MAP2K6: variants seen among roughly 807,000 people sequenced by gnomAD.
MAP2K6 encodes the protein dual specificity mitogen-activated protein kinase kinase 6.
A neutral mutation model predicts 53.7 loss-of-function variants in MAP2K6; 16 were observed. The ratio of observed to expected loss-of-function variants is 0.30; its 90% CI spans 0.20 to 0.45. The LOEUF is 0.45. MAP2K6 is among the 20% of genes least tolerant of loss of function. MAP2K6 has a pLI of 1.00. For synonymous variants in MAP2K6, 132 were observed against 143.1 expected, an observed-to-expected ratio of 0.92 and a Z score of 0.55; for missense variants, 204 against 411.9, an observed-to-expected ratio of 0.50 and a Z score of 4.37.
At chr17:69,449,815 A>T (rs12943473) in intron 1 of MAP2K6, among the ~76,000 whole-genome samples, 50,373 of 149,612 alleles carry the variant, frequency 0.34, 9,761 homozygotes, top group South Asian at 0.43. Flanking sequence ...GGGTTTCACC[A>T]TGTTAGCCAG....
chr17:69,499,232 G>A (rs1346964737), intron 1 of MAP2K6, among the ~76,000 whole-genome samples: 2 of 152,162 alleles, frequency 1.3e-5, no homozygotes, highest in African/African-American at 4.8e-5. Context: ...AATGGAGCAC[G>A]GAATTTGAAG....
intron 1 of MAP2K6, among the ~76,000 whole-genome samples, chr17:69,462,232 G>T (rs944200603): frequency 1.3e-5 from 2 of 152,084 alleles, no homozygotes; most frequent in East Asian, 3.9e-4. Context: ...GTTAGCAGGG[G>T]ACAGGTTAGC....
chr17:69,500,162 A>G (rs1909094143), intron 1 of MAP2K6, among the ~76,000 whole-genome samples: 1 of 152,124 alleles, frequency 6.6e-6, no homozygotes, highest in Admixed American at 6.5e-5. Flanking sequence ...AGCTGGGCAC[A>G]GTGGCTCACA....
At chr17:69,442,281 T>C (rs1434932229) in intron 1 of MAP2K6, among the ~76,000 whole-genome samples, 1 of 152,162 alleles carries the variant, frequency 6.6e-6, no homozygotes, top group Non-Finnish European at 1.5e-5. Flanking sequence ...ATGCTGTTGC[T>C]CTAAGAGCAC....
intron 1 of MAP2K6, among the ~76,000 whole-genome samples, chr17:69,419,708 C>T (rs1478602406): frequency 6.6e-6 from 1 of 152,030 alleles, no homozygotes; most frequent in Non-Finnish European, 1.5e-5. Flanking sequence ...AAGTGGATCA[C>T]CTGAGGTCAG....
At chr17:69,526,885 G>C (rs1431308469) in intron 10 of MAP2K6, among the ~76,000 whole-genome samples, 176 bp downstream of exon 10, 1 of 152,080 alleles carries the variant, frequency 6.6e-6, no homozygotes, top group African/African-American at 2.4e-5. Context: ...CCCTCACTGA[G>C]CCCAAAGTCA....
At chr17:69,450,592 C>T (rs1023182285) in intron 1 of MAP2K6, among the ~76,000 whole-genome samples, 6 of 152,078 alleles carry the variant, frequency 3.9e-5, no homozygotes, top group Non-Finnish European at 1.5e-5. Flanking sequence ...GGAAGTAGGA[C>T]GTGGGAGGTC....
At chr17:69,429,716 T>A (rs1906396314) in intron 1 of MAP2K6, among the ~76,000 whole-genome samples, 1 of 152,156 alleles carries the variant, frequency 6.6e-6, no homozygotes, top group African/African-American at 2.4e-5. Context: ...AAAGAAATTG[T>A]TAGGCATGTT....
At chr17:69,423,965 TC>T (rs1442523717) in intron 1 of MAP2K6, among the ~76,000 whole-genome samples, 3 of 152,256 alleles carry the variant, frequency 2.0e-5, no homozygotes, top group African/African-American at 7.2e-5. Flanking sequence ...AAAATAACTC[TC>T]CTGCTACCAC....
In MAP2K6 at chr17:69,512,075, G is replaced by A. The variant is rs563388504; in HGVS notation, c.84-4780G>A. Among the ~76,000 whole-genome samples, 173 of 151,878 alleles carry A rather than the reference G, an allele frequency of 1.1e-3. 1 individual carries two copies. The highest frequency in any genetic ancestry group is 4.0e-3 in the African/African-American group (167 of 41,428). ...ATGAGTGTCTAGTGTAGTGCCTGGT[G>A]CATTGCAATTGCTCAATGAAAGGTA... On this transcript the variant is annotated intron_variant, in intron 2 of 11. Coordinates refer to ENST00000590474, the MANE Select transcript of MAP2K6 (RefSeq NM_002758.4).
intron 1 of MAP2K6, among the ~76,000 whole-genome samples, chr17:69,491,804 C>T (rs183949365): frequency 1.1e-4 from 17 of 150,954 alleles, no homozygotes; most frequent in South Asian, 2.1e-4. Context: ...GTTATTTCAC[C>T]GTGGTTTTGA....
rs966053522 is a variant in MAP2K6 at position 69,548,383 on chromosome 17, A to G, written c.*6630A>G. The G allele has an allele frequency of 2.6e-5, 4 of 152,182 alleles. No individual in the cohort carries two copies. Among genetic ancestry groups the G allele is most frequent in the African/African-American group, 9.7e-5 (4 of 41,442 alleles). 9.4% of individuals were successfully genotyped at this position (152,182 alleles called of 1,614,324 possible). On this transcript the variant is annotated 3_prime_UTR_variant, in exon 12 of 12. Coordinates refer to ENST00000590474, the MANE Select transcript of MAP2K6 (RefSeq NM_002758.4). ...TGTTAGGACTTGCACCCTCTTTGCC[A>G]TACAGAATGCTATAAAAAGGACAGT...
intron 1 of MAP2K6, among the ~76,000 whole-genome samples, chr17:69,463,292 G>A (rs1465177999): frequency 3.3e-5 from 5 of 149,866 alleles, no homozygotes; most frequent in Non-Finnish European, 5.9e-5. Flanking sequence ...ATATGTGTGT[G>A]TATATACTTA....
rs1245587290 is a variant in MAP2K6 at position 69,553,862 on chromosome 17, C to A, written c.*12109C>A. Reference sequence around the variant, plus strand: ...AACCAATAAAAGACATTTTAAAAAGCGTAGTGAGTCTGTACATTAATTGAG... The same window carrying A: ...AACCAATAAAAGACATTTTAAAAAGAGTAGTGAGTCTGTACATTAATTGAG... On this transcript the variant is annotated 3_prime_UTR_variant, in exon 12 of 12. Coordinates refer to ENST00000590474, the MANE Select transcript of MAP2K6 (RefSeq NM_002758.4). The A allele has an allele frequency of 6.6e-6, 1 of 152,142 alleles. No homozygotes were observed. The highest frequency in any genetic ancestry group is 1.5e-5 in the Non-Finnish European group (1 of 68,024). 9.4% of individuals were successfully genotyped at this position (152,142 alleles called of 1,614,324 possible). A position where few individuals can be genotyped will look rare whatever the true frequency, so the allele number is the denominator to read the frequency against.
Position 69,505,820 on chromosome 17 carries a change from A to G in MAP2K6, c.57A>G (p.Ala19=), listed in dbSNP as rs1185764748. The part of the protein sequence containing the change: ...RNPGLKIPKE[A]FEQPQTSSTP... ...CTGGCCTTAAAATTCCAAAAGAAGCATTTGAACAACCTCAGACCAGTTCCA... is the reference window on the plus strand; with the variant it reads ...CTGGCCTTAAAATTCCAAAAGAAGCGTTTGAACAACCTCAGACCAGTTCCA... The change falls in exon 2 of 12, where the codon GCA becomes GCG. Residue 19 remains alanine, a synonymous_variant. Transcript: ENST00000590474. 2 of 1,613,846 alleles carry G rather than the reference A, an allele frequency of 1.2e-6. No homozygotes were observed. The highest frequency in any genetic ancestry group is 1.7e-6 in the Non-Finnish European group (2 of 1,179,866).
At chr17:69,463,505 T>C (rs552834272) in intron 1 of MAP2K6, among the ~76,000 whole-genome samples, 58 of 146,662 alleles carry the variant, frequency 4.0e-4, no homozygotes, top group Admixed American at 5.4e-4. Context: ...CACACACACA[T>C]ATGTATATAT....
intron 1 of MAP2K6, among the ~76,000 whole-genome samples, chr17:69,496,383 C>G (rs1453838273): frequency 6.6e-6 from 1 of 151,702 alleles, no homozygotes; most frequent in African/African-American, 2.4e-5. Flanking sequence ...GCGATTCTCC[C>G]GCCTCAGCCT....
chr17:69,508,041 G>GTTTTTTTTTTTTTTTTT lies in MAP2K6; in HGVS notation c.83+2206_83+2222dup, dbSNP rs71144698. Among the ~76,000 whole-genome samples the GTTTTTTTTTTTTTTTTT allele has an allele frequency of 8.9e-5, 4 of 44,900 alleles. 2 individuals are homozygous for GTTTTTTTTTTTTTTTTT. Among genetic ancestry groups the GTTTTTTTTTTTTTTTTT allele is most frequent in the Non-Finnish European group, 1.5e-4 (4 of 26,336 alleles). The allele number at this position is 44,900 out of a possible 152,430, so 29.5% of individuals were successfully genotyped here. On this transcript the variant is annotated intron_variant, in intron 2 of 11. Coordinates refer to ENST00000590474, the MANE Select transcript of MAP2K6 (RefSeq NM_002758.4). ...TCTGATGTGTAGTGATATATATGTAGTTTTTTTTTTTTTTTTTTTTTTTTT... is the reference window on the plus strand; with the variant it reads ...TCTGATGTGTAGTGATATATATGTAGTTTTTTTTTTTTTTTTTTTTTTTTTTTTTTTTTTTTTTTTTT...
chr17:69,486,291 G>A (rs190593296), intron 1 of MAP2K6, among the ~76,000 whole-genome samples: 9 of 152,204 alleles, frequency 5.9e-5, no homozygotes, highest in African/African-American at 2.2e-4. Flanking sequence ...AGGCATTGGA[G>A]AATGGACCAG....
Sources: allele counts gnomAD v4.1 joint callset (sites outside exome capture counted in the v4.1 genomes callset), GRCh38; gene constraint gnomAD v4.1.1; transcripts MANE v1.5; gene names NCBI Gene and HGNC (gene_info 2026-07-23, HGNC 2026-07-21).